The following MAP3K20 variants were observed in gnomAD, a reference collection of about 807,000 sequenced individuals.
MAP3K20 encodes mitogen-activated protein kinase kinase kinase 20, also known as HCCS-4.
In MAP3K20, 40 loss-of-function variants were observed where a neutral mutation model predicts 85.7. That is an observed-to-expected ratio of 0.47 (90% confidence interval 0.36 to 0.61). The LOEUF is 0.61. MAP3K20 is among the 20% of genes least tolerant of loss of function. The pLI, the probability that MAP3K20 is intolerant of heterozygous loss-of-function variation, is 0.00. For missense variants in MAP3K20, 817 were observed against 961.7 expected (o/e 0.85, Z 1.99); for synonymous variants, 325 against 327.7 (o/e 0.99, Z 0.09).
chr2:173,165,936 A>C (rs1689807217), intron 2 of MAP3K20, among the ~76,000 whole-genome samples: 1 of 152,152 alleles, frequency 6.6e-6, no homozygotes, highest in South Asian at 2.1e-4. Context: ...TCAGCCTCCC[A>C]AAATGCTAGG....
chr2:173,115,759 T>C (rs1304238491), intron 2 of MAP3K20, among the ~76,000 whole-genome samples: 1 of 152,162 alleles, frequency 6.6e-6, no homozygotes, highest in African/African-American at 2.4e-5. Context: ...AGTCCTGTGA[T>C]GTGAACCGCC....
At chr2:173,148,955 C>T (rs930497174) in intron 2 of MAP3K20, among the ~76,000 whole-genome samples, 13 of 152,198 alleles carry the variant, frequency 8.5e-5, no homozygotes, top group African/African-American at 3.1e-4. Context: ...TTACAAAAAT[C>T]TGGTCAAGGG....
chr2:173,085,834 T>A (rs1341968771), intron 1 of MAP3K20, among the ~76,000 whole-genome samples: 1 of 144,426 alleles, frequency 6.9e-6, no homozygotes, highest in Non-Finnish European at 1.5e-5. Context: ...CTTGCTCTGT[T>A]GTCCAGGCTG....
chr2:173,254,051 A>G (rs1685101074), intron 16 of MAP3K20, among the ~76,000 whole-genome samples: 1 of 145,128 alleles, frequency 6.9e-6, no homozygotes, highest in Admixed American at 7.1e-5. Context: ...AGCCCGGGTG[A>G]CAGAGTAAGA....
intron 2 of MAP3K20, among the ~76,000 whole-genome samples, chr2:173,165,234 C>G (rs1689780046): frequency 6.6e-6 from 1 of 151,442 alleles, no homozygotes; most frequent in Admixed American, 6.6e-5. Flanking sequence ...CATGGTGAAA[C>G]CCTGTCTCTA....
At chr2:173,168,655 T>C (rs536294401) in intron 2 of MAP3K20, among the ~76,000 whole-genome samples, 36 of 152,322 alleles carry the variant, frequency 2.4e-4, no homozygotes, top group African/African-American at 8.2e-4. Context: ...TGGGGACTTA[T>C]AAATCTCCAG....
At chr2:173,126,366 T>C (rs2106194113) in intron 2 of MAP3K20, among the ~76,000 whole-genome samples, 1 of 152,108 alleles carries the variant, frequency 6.6e-6, no homozygotes, top group Non-Finnish European at 1.5e-5. Context: ...AATTTTTCTT[T>C]TTTCTTTTTC....
chr2:173,239,918 G>A (rs1464941692), intron 16 of MAP3K20, among the ~76,000 whole-genome samples: 1 of 152,204 alleles, frequency 6.6e-6, no homozygotes, highest in Non-Finnish European at 1.5e-5. Flanking sequence ...TAGGGTGGCA[G>A]GGCATTTGAG....
intron 2 of MAP3K20, among the ~76,000 whole-genome samples, chr2:173,102,564 A>G (rs1687666435): frequency 6.6e-6 from 1 of 152,222 alleles, no homozygotes; most frequent in Admixed American, 6.5e-5. Flanking sequence ...ACTTGAAAAT[A>G]TGACTCTTAT....
chr2:173,104,564 G>A (rs1687731862), intron 2 of MAP3K20, among the ~76,000 whole-genome samples: 1 of 152,176 alleles, frequency 6.6e-6, no homozygotes, highest in Non-Finnish European at 1.5e-5. Context: ...CTGGAGTTTA[G>A]TTCATAGTCA....
chr2:173,150,236 G>A (rs914472508), intron 2 of MAP3K20, among the ~76,000 whole-genome samples: 3 of 152,176 alleles, frequency 2.0e-5, no homozygotes, highest in South Asian at 2.1e-4. Flanking sequence ...AAAATAGCAG[G>A]GTGACTTAAG....
At position 173,085,784 on chromosome 2, in the gene MAP3K20, ATTTTTTTTTTT is replaced by A. The variant is rs61431056; in HGVS notation, c.-34-5195_-34-5185del. 1.6e-4 allele frequency among the ~76,000 whole-genome samples: 12 copies of A among 73,760 alleles called. No homozygotes were observed. In the South Asian group the frequency reaches 2.9e-3, roughly 18 times the overall value. 48.4% of individuals were successfully genotyped at this position (73,760 alleles called of 152,430 possible). On this transcript the variant is annotated intron_variant, in intron 1 of 19. Coordinates refer to ENST00000375213, the MANE Select transcript of MAP3K20 (RefSeq NM_016653.3). ...AAATTGCCTTTTTTGTGTAAAAGCA[ATTTTTTTTTTT>A]TTTTTTTTTTTTTTTTTTGAGATAG...
intron 2 of MAP3K20, among the ~76,000 whole-genome samples, chr2:173,147,728 A>G (rs1281093671): frequency 6.6e-6 from 1 of 152,054 alleles, no homozygotes; most frequent in African/African-American, 2.4e-5. Context: ...CTGGGACTAC[A>G]GGCGCCTGCC....
intron 14 of MAP3K20, among the ~76,000 whole-genome samples, chr2:173,233,078 A>T (rs1684560859): frequency 6.6e-6 from 1 of 152,204 alleles, no homozygotes; most frequent in African/African-American, 2.4e-5. Flanking sequence ...GATACTGCCT[A>T]TGCGATAATG....
At chr2:173,233,922 TAGA>T (rs1197229342) in intron 14 of MAP3K20, among the ~76,000 whole-genome samples, 4 of 152,120 alleles carry the variant, frequency 2.6e-5, no homozygotes, top group African/African-American at 7.2e-5. Context: ...TTCTCCCTCT[TAGA>T]AGAAGGGCAG....
chr2:173,262,618 A>C (rs58314437), intron 18 of MAP3K20, among the ~76,000 whole-genome samples: 4,718 of 151,366 alleles, frequency 0.031, 242 homozygotes, highest in African/African-American at 0.11. Context: ...AAAAAAAAAG[A>C]AAAGCAAAGC....
intron 2 of MAP3K20, among the ~76,000 whole-genome samples, chr2:173,132,603 T>C (rs999837841): frequency 6.6e-6 from 1 of 152,190 alleles, no homozygotes; most frequent in South Asian, 2.1e-4. Context: ...GCCAAGCATT[T>C]GTCTTCAGTT....
At chr2:173,224,569 TTACTC>T (rs771805352) in intron 11 of MAP3K20, 330 of 985,390 alleles carry the variant, frequency 3.3e-4, no homozygotes, top group Non-Finnish European at 3.9e-4. Flanking sequence ...TCATAGCTCA[TTACTC>T]TACCACCAAG....
chr2:173,178,869 A>G (rs1211947885), intron 3 of MAP3K20, among the ~76,000 whole-genome samples: 1 of 152,212 alleles, frequency 6.6e-6, no homozygotes, highest in Non-Finnish European at 1.5e-5. Context: ...AATATTCTTC[A>G]TGAATATAGA....
Sources: allele counts gnomAD v4.1 joint callset (sites outside exome capture counted in the v4.1 genomes callset), GRCh38; gene constraint gnomAD v4.1.1; transcripts MANE v1.5; gene names NCBI Gene and HGNC (gene_info 2026-07-23, HGNC 2026-07-21).